The following ARK2C variants were observed in gnomAD, a reference collection of about 807,000 sequenced individuals.
ARK2C encodes the protein arkadia (RNF111) C-terminal like ring finger ubiquitin ligase 2C.
the ARK2C span, among the ~76,000 whole-genome samples, chr18:46,364,249 C>T: frequency 2.0e-5 from 3 of 152,058 alleles, no homozygotes; most frequent in Non-Finnish European, 4.4e-5. Flanking sequence ...TGCCAGGCCC[C>T]TGACCTGCTT....
At chr18:46,368,617 G>T in the ARK2C span, among the ~76,000 whole-genome samples, 1 of 152,212 alleles carries the variant, frequency 6.6e-6, no homozygotes, top group Non-Finnish European at 1.5e-5. Context: ...GCTCTATGGA[G>T]TCGAGTCTTA....
chr18:46,420,352 T>C, the ARK2C span, among the ~76,000 whole-genome samples: 14 of 151,966 alleles, frequency 9.2e-5, no homozygotes, highest in Non-Finnish European at 1.8e-4. Flanking sequence ...CCAGGAGAAA[T>C]GGGAGGCAGA....
the ARK2C span, among the ~76,000 whole-genome samples, chr18:46,452,604 C>G: frequency 6.6e-6 from 1 of 151,896 alleles, no homozygotes; most frequent in African/African-American, 2.4e-5. Flanking sequence ...TTTATGTAAA[C>G]TAGAACTGCT....
the ARK2C span, chr18:46,450,349 C>G: frequency 6.2e-7 from 1 of 1,614,132 alleles, no homozygotes; most frequent in Non-Finnish European, 8.5e-7. Context: ...TCCTTGCTCT[C>G]CAGGGACTAA....
chr18:46,395,387 G>T, the ARK2C span, among the ~76,000 whole-genome samples: 1 of 152,132 alleles, frequency 6.6e-6, no homozygotes, highest in Admixed American at 6.5e-5. Context: ...GTGCTTTGTT[G>T]GGTGTTTGGC....
the ARK2C span, among the ~76,000 whole-genome samples, chr18:46,373,704 T>G: frequency 6.6e-6 from 1 of 152,198 alleles, no homozygotes; most frequent in Non-Finnish European, 1.5e-5. Context: ...TTTACAACTC[T>G]TAGGACAGGG....
At chr18:46,435,268 T>G in the ARK2C span, 33 of 1,609,806 alleles carry the variant, frequency 2.0e-5, no homozygotes, top group Non-Finnish European at 2.8e-5. Context: ...ACACGAGGGC[T>G]CTCCATCCCT....
the ARK2C span, among the ~76,000 whole-genome samples, chr18:46,398,718 C>T: frequency 2.0e-5 from 3 of 151,942 alleles, no homozygotes; most frequent in Non-Finnish European, 4.4e-5. Flanking sequence ...GACCAGTGCC[C>T]TTAAAGCTCC....
chr18:46,428,946 A>C, the ARK2C span, among the ~76,000 whole-genome samples: 4 of 152,118 alleles, frequency 2.6e-5, no homozygotes, highest in Non-Finnish European at 4.4e-5. Context: ...AGACATGCTT[A>C]TCTTCTACTT....
the ARK2C span, among the ~76,000 whole-genome samples, chr18:46,446,670 C>CAAAAAAAAAAAAAAAAAAAA: frequency 2.9e-5 from 1 of 34,394 alleles, no homozygotes; most frequent in Non-Finnish European, 5.2e-5. Flanking sequence ...GACTCCATCT[C>CAAAAAAAAAAAAAAAAAAAA]AAAAAAAAAA....
At chr18:46,443,446 C>T in the ARK2C span, among the ~76,000 whole-genome samples, 1 of 152,130 alleles carries the variant, frequency 6.6e-6, no homozygotes, top group African/African-American at 2.4e-5. Context: ...CTTCCATTAC[C>T]CCTTTGCATC....
the ARK2C span, chr18:46,450,538 A>T: frequency 1.2e-6 from 1 of 813,642 alleles, no homozygotes; most frequent in Non-Finnish European, 2.1e-6. Context: ...AAAGAGAAGA[A>T]GGGAGAGCCA....
the ARK2C span, chr18:46,336,707 T>C: frequency 1.0e-6 from 1 of 985,448 alleles, no homozygotes; most frequent in Non-Finnish European, 1.2e-6. Flanking sequence ...TCATCTTGTT[T>C]AGCCGAGTAC....
the ARK2C span, chr18:46,337,218 A>C: frequency 1.0e-6 from 1 of 985,288 alleles, no homozygotes; most frequent in South Asian, 4.7e-5. Flanking sequence ...GAAAAGAAAG[A>C]GAAAAAAGAA....
chr18:46,443,672 T>G, the ARK2C span, among the ~76,000 whole-genome samples: 1 of 152,232 alleles, frequency 6.6e-6, no homozygotes, highest in Non-Finnish European at 1.5e-5. Context: ...AGTGGACACT[T>G]GAGTAGCTGT....
the ARK2C span, among the ~76,000 whole-genome samples, chr18:46,356,309 G>T: frequency 6.6e-6 from 1 of 152,302 alleles, no homozygotes; most frequent in East Asian, 1.9e-4. Flanking sequence ...AGTGGGGAAG[G>T]CAGACAGCAA....
the ARK2C span, among the ~76,000 whole-genome samples, chr18:46,417,630 C>T: frequency 1.3e-5 from 2 of 152,204 alleles, no homozygotes; most frequent in African/African-American, 4.8e-5. Flanking sequence ...TTCATTTTTT[C>T]CATAGCTCTG....
chr18:46,441,583 T>C, the ARK2C span, among the ~76,000 whole-genome samples: 13 of 151,940 alleles, frequency 8.6e-5, no homozygotes, highest in Non-Finnish European at 1.8e-4. Flanking sequence ...TTTGTACTAC[T>C]CTTTAGAAAA....
At chr18:46,408,631 C>T in the ARK2C span, among the ~76,000 whole-genome samples, 8 of 152,182 alleles carry the variant, frequency 5.3e-5, no homozygotes, top group African/African-American at 1.9e-4. Flanking sequence ...AGGAGGGACA[C>T]TTAACAGAGT....
Sources: allele counts gnomAD v4.1 joint callset (sites outside exome capture counted in the v4.1 genomes callset), GRCh38; gene constraint gnomAD v4.1.1; transcripts MANE v1.5; gene names NCBI Gene and HGNC (gene_info 2026-07-23, HGNC 2026-07-21).